The following NOTCH2 variants were observed in gnomAD, a reference collection of about 807,000 sequenced individuals.
The protein encoded by NOTCH2 is notch receptor 2.
A neutral mutation model predicts 235.8 loss-of-function variants in NOTCH2; 29 were observed. That is an observed-to-expected ratio of 0.12 (90% CI 0.09 to 0.17). The LOEUF is 0.17. Among genes scored for constraint, NOTCH2 ranks in the 10% least tolerant of loss-of-function variants. NOTCH2 has a pLI of 1.00. For synonymous variants in NOTCH2, 1,086 were observed against 1,141.5 expected (o/e 0.95, Z 0.98); for missense variants, 2,285 against 3,150.2 (o/e 0.73, Z 6.57).
At chr1:119,975,377 G>C (rs1651533553) in intron 5 of NOTCH2, among the ~76,000 whole-genome samples, 1 of 152,226 alleles carries the variant, frequency 6.6e-6, no homozygotes, top group Non-Finnish European at 1.5e-5. Flanking sequence ...GCCAGGCGTG[G>C]TGGCTCACGC....
At position 119,915,565 on chromosome 1, in the gene NOTCH2, G is replaced by A; in HGVS notation, c.7157C>T (p.Pro2386Leu). Residue 2386 changes from proline to leucine, a missense_variant, in exon 34 of 34, where the codon CCC (proline) becomes CTC (leucine). By Grantham distance (98) the Pro-to-Leu change is moderately conservative. Around this residue, in one of 6 missense-constraint regions of NOTCH2, gnomAD observed 504 missense variants for 538.0 expected, o/e 0.94. Coordinates refer to ENST00000256646, the MANE Select transcript of NOTCH2 (RefSeq NM_024408.4). ...FPASVGKYPT[P>L]PSQHSYASSN... Reference sequence around the variant, plus strand: ...GGAAGCATAACTGTGCTGTGAAGGGGGTGTGGGGTACTTGCCCACAGAGGC... The same window carrying A: ...GGAAGCATAACTGTGCTGTGAAGGGAGTGTGGGGTACTTGCCCACAGAGGC... 6.2e-7 allele frequency: 1 copy of A among 1,614,056 alleles called. No individual in the cohort carries two copies. Among genetic ancestry groups the A allele is most frequent in the Non-Finnish European group, 8.5e-7 (1 of 1,180,034 alleles).
chr1:119,959,323 T>A lies in NOTCH2; in HGVS notation c.2026+69A>T. ...AATAGGAAACACTTGAAAAGCAATA[T>A]TCCTTTGGATGCTATATTCCCAAAG... On this transcript the variant is annotated intron_variant, in intron 12 of 33. Coordinates refer to ENST00000256646, the MANE Select transcript of NOTCH2 (RefSeq NM_024408.4). 3 of 865,374 alleles carry A rather than the reference T, an allele frequency of 3.5e-6. No individual in the cohort carries two copies. In the South Asian group the frequency reaches 4.0e-5, roughly 11 times the overall value. The allele number at this position is 865,374 out of a possible 1,614,324, so 53.6% of individuals were successfully genotyped here.
chr1:119,986,546 C>T (rs1652025279), intron 5 of NOTCH2, among the ~76,000 whole-genome samples: 2 of 152,108 alleles, frequency 1.3e-5, no homozygotes, highest in Admixed American at 6.6e-5. Context: ...GATCTCTGTC[C>T]GTGAACAAAT....
In NOTCH2 at chr1:119,997,087, G is replaced by A. The variant is rs782194587; in HGVS notation, c.661C>T (p.Leu221=). 4 of 1,614,022 alleles carry A rather than the reference G, an allele frequency of 2.5e-6. No individual in the cohort carries two copies. The highest frequency in any genetic ancestry group is 2.2e-5 in the South Asian group (2 of 91,080). The change falls in exon 4 of 34, where the codon CTG becomes TTG. Residue 221 remains leucine, a synonymous_variant. Coordinates refer to ENST00000256646, the MANE Select transcript of NOTCH2 (RefSeq NM_024408.4). The part of the protein sequence containing the change: ...QGFTGQYCDS[L]YVPCAPSPCV... Reference sequence around the variant, plus strand: ...GGTGAGGGTGCACAGGGCACATACAGGCTGTCACAGTACTGGCCTGTGAAG... The same window carrying A: ...GGTGAGGGTGCACAGGGCACATACAAGCTGTCACAGTACTGGCCTGTGAAG...
intron 22 of NOTCH2, among the ~76,000 whole-genome samples, chr1:119,931,507 T>A (rs1649659414): frequency 6.6e-6 from 1 of 151,666 alleles, no homozygotes; most frequent in Non-Finnish European, 1.5e-5. Context: ...TGAAAAAAAA[T>A]AACCAGGAAA....
intron 28 of NOTCH2, 108 bp downstream of exon 28, chr1:119,922,128 G>C (rs1246435807): frequency 1.6e-6 from 2 of 1,231,852 alleles, no homozygotes; most frequent in Admixed American, 1.9e-5. Context: ...TGGTCAATGT[G>C]AGTAAATGCC....
Position 119,945,795 on chromosome 1 carries a change from A to G in NOTCH2, c.2752+2619T>C, listed in dbSNP as rs76869417. Among the ~76,000 whole-genome samples the G allele has an allele frequency of 2.3e-3, 346 of 152,238 alleles. 1 individual carries two copies. Among genetic ancestry groups the G allele is most frequent in the Non-Finnish European group, 3.9e-3 (267 of 67,938 alleles). Reference sequence around the variant, plus strand: ...AAGATTTCAATACTCTTGAATAAGAAGTAAACAGAAAGCCTCCTTATTATA... The same window carrying G: ...AAGATTTCAATACTCTTGAATAAGAGGTAAACAGAAAGCCTCCTTATTATA... On this transcript the variant is annotated intron_variant, in intron 17 of 33. Transcript: ENST00000256646.
At chr1:119,950,621 G>C (rs782073221) in intron 15 of NOTCH2, 103 bp downstream of exon 15, 2 of 793,824 alleles carry the variant, frequency 2.5e-6, no homozygotes, top group Non-Finnish European at 4.6e-6. Flanking sequence ...GTGAGCCCTC[G>C]GAGGAGCATT....
chr1:120,011,884 C>T (rs587600281), intron 2 of NOTCH2, among the ~76,000 whole-genome samples: 8 of 150,366 alleles, frequency 5.3e-5, no homozygotes, highest in Admixed American at 3.3e-4. Flanking sequence ...GGCGTGGTGG[C>T]GGGCGCCTGT....
At chr1:119,930,211 G>A (rs587660169) in intron 22 of NOTCH2, among the ~76,000 whole-genome samples, 1 of 152,236 alleles carries the variant, frequency 6.6e-6, no homozygotes, top group East Asian at 1.9e-4. Context: ...GTAACAACTG[G>A]AACTGAATTT....
At chr1:120,014,375 C>A (rs1570747504) in intron 2 of NOTCH2, among the ~76,000 whole-genome samples, 1 of 152,188 alleles carries the variant, frequency 6.6e-6, no homozygotes, top group South Asian at 2.1e-4. Flanking sequence ...CCTGCCTAGA[C>A]AACACGGGCA....
chr1:120,065,400 C>T (rs587648513), intron 1 of NOTCH2, among the ~76,000 whole-genome samples: 24 of 152,244 alleles, frequency 1.6e-4, no homozygotes, highest in South Asian at 8.3e-4. Flanking sequence ...TGAAAATACA[C>T]GATTCCTTCC....
At chr1:119,922,581 C>A (rs2101155597) in intron 27 of NOTCH2, 55 bp downstream of exon 27, 1 of 1,611,842 alleles carries the variant, frequency 6.2e-7, no homozygotes, top group East Asian at 2.2e-5. Context: ...AAAATTGTTC[C>A]CCCAATTGAC....
intron 15 of NOTCH2, chr1:119,950,390 T>C: frequency 2.2e-6 from 1 of 448,062 alleles, no homozygotes; most frequent in South Asian, 1.8e-5. Context: ...AGCTGTATTA[T>C]TGAAACTAAG....
chr1:119,999,999 G>A (rs1249675836), intron 3 of NOTCH2, among the ~76,000 whole-genome samples: 1 of 148,922 alleles, frequency 6.7e-6, no homozygotes, highest in African/African-American at 2.5e-5. Flanking sequence ...AAGGAAGGAA[G>A]GAAGGAAGGA....
In NOTCH2 at chr1:120,041,071, A is replaced by T. The variant is rs1553119972; in HGVS notation, c.74-11084T>A. ...AAAAAAAAAAAAAAAAAAAAAAAAA[A>T]ATATATATATATATATATATTCCTG... On this transcript the variant is annotated intron_variant, in intron 1 of 33. Transcript: ENST00000256646. Among the ~76,000 whole-genome samples, 408 of 76,478 alleles carry T rather than the reference A, an allele frequency of 5.3e-3. 1 individual carries two copies. Among genetic ancestry groups the T allele is most frequent in the African/African-American group, 9.3e-3 (60 of 6,476 alleles). The allele number at this position is 76,478 out of a possible 152,430, so 50.2% of individuals were successfully genotyped here.
In NOTCH2 at chr1:119,925,266, G is replaced by T; in HGVS notation, c.4511+39C>A. On this transcript the variant is annotated intron_variant, in intron 25 of 33. Transcript: ENST00000256646. The stretch of plus-strand genomic sequence containing the variant: ...GAACGAGAAACTGAAGTGTGTTAGT[G>T]ACAGTCCCCTTCAGTTCTGGAAAAC... The T allele has an allele frequency of 1.9e-6, 3 of 1,611,278 alleles. No individual in the cohort carries two copies. The South Asian group carries it at 3.3e-5, about 18-fold the overall frequency.
chr1:119,975,451 T>C (rs1480425322), intron 5 of NOTCH2, among the ~76,000 whole-genome samples: 2 of 151,916 alleles, frequency 1.3e-5, no homozygotes, highest in African/African-American at 4.8e-5. Context: ...ATTGAGACCA[T>C]CCTGGCCAAC....
chr1:119,979,538 TG>T (rs1404427682), intron 5 of NOTCH2, among the ~76,000 whole-genome samples: 1 of 152,134 alleles, frequency 6.6e-6, no homozygotes, highest in Non-Finnish European at 1.5e-5. Flanking sequence ...ACTAACCAAA[TG>T]GGTCCAACAT....
Sources: allele counts gnomAD v4.1 joint callset (sites outside exome capture counted in the v4.1 genomes callset), GRCh38; gene constraint gnomAD v4.1.1; regional missense constraint gnomAD v4.1.1; transcripts MANE v1.5; gene names NCBI Gene and HGNC (gene_info 2026-07-23, HGNC 2026-07-21).